The following RAPH1 variants were observed in gnomAD, a reference collection of about 807,000 sequenced individuals.
RAPH1 encodes the protein Ras association (RalGDS/AF-6) and pleckstrin homology domains 1, also known as ras-associated and pleckstrin homology domains-containing protein 1.
RAPH1 carries 18 observed loss-of-function variants against 88.1 expected under a neutral mutation model. That is an observed-to-expected ratio of 0.20 (90% CI 0.14 to 0.30). RAPH1 has a LOEUF of 0.30. Among genes scored for constraint, RAPH1 ranks in the 10% least tolerant of loss-of-function variants. RAPH1 has a pLI of 1.00. For synonymous variants in RAPH1, 587 were observed against 559.0 expected (o/e 1.05, Z -0.71); for missense variants, 1,448 against 1,543.2 (o/e 0.94, Z 1.03).
intron 4 of RAPH1, among the ~76,000 whole-genome samples, chr2:203,481,151 T>C (rs1416412858): frequency 3.3e-5 from 5 of 152,206 alleles, no homozygotes; most frequent in African/African-American, 1.2e-4. Context: ...CCTTTTTCTC[T>C]CCTGCCCATG....
At chr2:203,529,005 A>ATTTTTTTTTTTTT (rs66832810) in intron 1 of RAPH1, among the ~76,000 whole-genome samples, 2 of 41,154 alleles carry the variant, frequency 4.9e-5, no homozygotes, top group African/African-American at 2.4e-4. Context: ...ATATATATAT[A>ATTTTTTTTTTTTT]TTTTTTTTTT....
intron 1 of RAPH1, among the ~76,000 whole-genome samples, chr2:203,518,274 G>A (rs1277847190): frequency 6.6e-6 from 1 of 152,128 alleles, no homozygotes; most frequent in Middle Eastern, 3.2e-3. Flanking sequence ...CCAGCACTTT[G>A]AAAGGACAAG....
chr2:203,461,601 T>A (rs1028559849), intron 5 of RAPH1, among the ~76,000 whole-genome samples, 193 bp from the exon 6 acceptor site: 2 of 152,198 alleles, frequency 1.3e-5, no homozygotes, highest in Admixed American at 6.5e-5. Flanking sequence ...TAAAGCATTT[T>A]AAAAATATAA....
intron 10 of RAPH1, among the ~76,000 whole-genome samples, chr2:203,452,305 C>T (rs2098515581): frequency 6.6e-6 from 1 of 152,164 alleles, no homozygotes; most frequent in Non-Finnish European, 1.5e-5. Flanking sequence ...ATCACTCTGA[C>T]CTTCATGCTA....
chr2:203,520,921 C>T (rs1451890907), intron 1 of RAPH1, among the ~76,000 whole-genome samples: 1 of 152,160 alleles, frequency 6.6e-6, no homozygotes, highest in Non-Finnish European at 1.5e-5. Context: ...TTCACTGGGG[C>T]ATCCTAACTA....
At chr2:203,496,129 G>A (rs543476566) in intron 1 of RAPH1, among the ~76,000 whole-genome samples, 93 of 152,230 alleles carry the variant, frequency 6.1e-4, no homozygotes, top group African/African-American at 2.1e-3. Flanking sequence ...AGGCCGAGGC[G>A]GGTGGATCAA....
rs770864890 is a variant in RAPH1 at position 203,435,228 on chromosome 2, T to C, written c.*4209A>G. The C allele has an allele frequency of 1.3e-5, 2 of 152,138 alleles. No individual in the cohort carries two copies. The highest frequency in any genetic ancestry group is 2.9e-5 in the Non-Finnish European group (2 of 68,014). 9.4% of individuals were successfully genotyped at this position (152,138 alleles called of 1,614,324 possible). On this transcript the variant is annotated 3_prime_UTR_variant, in exon 14 of 14. Coordinates refer to ENST00000319170, the MANE Select transcript of RAPH1 (RefSeq NM_213589.3). ...GAGGGATAAAGGTGTAGAAATTTTC[T>C]CTTTGAATTTTATAAGGAAAGGCTG...
At position 203,444,922 on chromosome 2, in the gene RAPH1, G is replaced by A. The variant is rs779896252; in HGVS notation, c.1722C>T (p.Ser574=). ...AGHVRSQSIV[S]SVFSEAWKRG... ...GTTTCCAGGCTTCAGAGAATACGGA[G>A]CTCACAATGCTCTGGGAACGGACGT... Residue 574 remains serine, a synonymous_variant, in exon 13 of 14, where the codon AGC becomes AGT. Transcript: ENST00000319170. 6.2e-7 allele frequency: 1 copy of A among 1,614,104 alleles called. No individual in the cohort carries two copies. The highest frequency in any genetic ancestry group is 1.3e-5 in the African/African-American group (1 of 75,052).
chr2:203,491,960 T>TA (rs1404038431), intron 2 of RAPH1, among the ~76,000 whole-genome samples: 2 of 152,114 alleles, frequency 1.3e-5, no homozygotes, highest in Non-Finnish European at 2.9e-5. Context: ...AAGAAATAGG[T>TA]GTGATGGCTC....
chr2:203,460,053 T>C, intron 6 of RAPH1, 25 bp from the exon 7 acceptor site: 1 of 1,589,974 alleles, frequency 6.3e-7, no homozygotes, highest in Non-Finnish European at 8.6e-7. Context: ...AATATCCGTA[T>C]TTTGTTAGTA....
At chr2:203,528,504 TAGAA>T (rs532293829) in intron 1 of RAPH1, among the ~76,000 whole-genome samples, 47 of 152,188 alleles carry the variant, frequency 3.1e-4, no homozygotes, top group Non-Finnish European at 6.5e-4. Context: ...TATCTCCTAA[TAGAA>T]AGTACAGCCG....
At chr2:203,495,195 G>T in intron 2 of RAPH1, 39 bp downstream of exon 2, 1 of 1,611,084 alleles carries the variant, frequency 6.2e-7, no homozygotes, top group South Asian at 1.1e-5. Context: ...ACACAATGGT[G>T]ACTTCAAATC....
Position 203,439,923 on chromosome 2 carries a change from A to AGC in RAPH1, c.3266_3267insGC (p.Ile1089MetfsTer29). 1.9e-6 allele frequency: 3 copies of AGC among 1,613,784 alleles called. No individual in the cohort carries two copies. Among genetic ancestry groups the AGC allele is most frequent in the Non-Finnish European group, 2.5e-6 (3 of 1,179,966 alleles). ...AGGTGTTTCCCGAGAAAACTGCTGG[A>AGC]ATCTCAATGGGGGGCAGAGGAAGCT... On this transcript the variant is annotated frameshift_variant, in exon 14 of 14. Coordinates refer to ENST00000319170, the MANE Select transcript of RAPH1 (RefSeq NM_213589.3). LOFTEE classifies it high-confidence loss of function.
intron 4 of RAPH1, among the ~76,000 whole-genome samples, chr2:203,462,955 C>T (rs2098525327): frequency 6.6e-6 from 1 of 151,928 alleles, no homozygotes; most frequent in Non-Finnish European, 1.5e-5. Context: ...AATCCTGGCA[C>T]TTTGGAGGCT....
chr2:203,451,729 C>T (rs2098515067), intron 10 of RAPH1, among the ~76,000 whole-genome samples: 2 of 152,202 alleles, frequency 1.3e-5, no homozygotes, highest in Admixed American at 1.3e-4. Context: ...GTGCAGGCCC[C>T]TATGGCTATC....
chr2:203,510,253 T>C (rs553875902), intron 1 of RAPH1, among the ~76,000 whole-genome samples: 2 of 148,338 alleles, frequency 1.3e-5, no homozygotes, highest in Admixed American at 1.4e-4. Context: ...GGAAAATTGC[T>C]TGAACCTGGG....
intron 5 of RAPH1, 132 bp downstream of exon 5, chr2:203,461,712 GAAAA>G (rs2098524356): frequency 4.8e-6 from 3 of 624,780 alleles, no homozygotes; most frequent in Non-Finnish European, 7.7e-6. Context: ...TACTACATGT[GAAAA>G]ATATATTACT....
chr2:203,445,587 A>G (rs2098508744), intron 12 of RAPH1: 1 of 152,494 alleles, frequency 6.6e-6, no homozygotes, highest in African/African-American at 2.4e-5. Context: ...GCAAGGCACA[A>G]AAAAGTTTTG....
intron 7 of RAPH1, among the ~76,000 whole-genome samples, chr2:203,458,466 T>C (rs1165788645): frequency 3.3e-5 from 5 of 152,240 alleles, no homozygotes; most frequent in South Asian, 2.1e-4. Context: ...GGATCTCCCC[T>C]GTATACCAAA....
Sources: gnomAD v4.1 joint callset for allele counts (sites outside exome capture counted in the v4.1 genomes callset) on GRCh38, gnomAD v4.1.1 for gene constraint, MANE v1.5 for transcripts, NCBI Gene and HGNC (gene_info 2026-07-23, HGNC 2026-07-21) for gene names.